Variants in APCDD1L observed in about 807,000 individuals in gnomAD.
APCDD1L encodes the protein APC down-regulated 1 like.
A neutral mutation model predicts 24.2 loss-of-function variants in APCDD1L; 21 were observed. The observed-to-expected ratio is 0.87, with a 90% CI of 0.61 to 1.25. The LOEUF is 1.25. Ranked by LOEUF, APCDD1L falls within the 50% of genes most tolerant of loss-of-function variation. The pLI is 0.00. For missense variants in APCDD1L, 704 were observed against 711.7 expected, an observed-to-expected ratio of 0.99 and a Z score of 0.12; for synonymous variants, 321 against 323.6, an observed-to-expected ratio of 0.99 and a Z score of 0.09.
At chr20:58,509,834 C>A (rs1990594234) in intron 1 of APCDD1L, among the ~76,000 whole-genome samples, 1 of 152,198 alleles carries the variant, frequency 6.6e-6, no homozygotes, top group Admixed American at 6.5e-5. Context: ...AGAGGCATCT[C>A]ATTCTTACCC....
At chr20:58,490,726 T>C (rs777681788) in intron 1 of APCDD1L, among the ~76,000 whole-genome samples, 14 of 152,192 alleles carry the variant, frequency 9.2e-5, no homozygotes, top group Non-Finnish European at 1.9e-4. Context: ...TGTGAACACA[T>C]TGCTAAGGTT....
intron 3 of APCDD1L, 133 bp downstream of exon 3, chr20:58,466,973 A>C: frequency 1.8e-6 from 2 of 1,093,346 alleles, no homozygotes; most frequent in Non-Finnish European, 2.5e-6. Flanking sequence ...CAGAGTGGGG[A>C]GGGGCAGTGA....
At chr20:58,463,143 C>CAAAAAAA (rs398036014) in intron 3 of APCDD1L, among the ~76,000 whole-genome samples, 1 of 93,758 alleles carries the variant, frequency 1.1e-5, no homozygotes, top group African/African-American at 4.2e-5. Context: ...CTCCATCTCA[C>CAAAAAAA]AAAAAAAAAA....
intron 2 of APCDD1L, among the ~76,000 whole-genome samples, chr20:58,469,351 G>GA: frequency 8.0e-6 from 1 of 125,598 alleles, no homozygotes; most frequent in African/African-American, 3.3e-5. Context: ...AGGGTCTCAG[G>GA]CCTGGAGAGG....
At chr20:58,484,325 C>T (rs1568743304) in intron 1 of APCDD1L, among the ~76,000 whole-genome samples, 2 of 152,362 alleles carry the variant, frequency 1.3e-5, no homozygotes, top group Non-Finnish European at 2.9e-5. Flanking sequence ...TGCTGGTATA[C>T]ATTACCCTCC....
In APCDD1L at chr20:58,499,877, C is replaced by A. The variant is rs568264136; in HGVS notation, c.49+14782G>T. ...TTTTTTTCTCTCATAAGTATGCAAA[C>A]CTGCTCCACTGTCTCTCACCGTCCC... On this transcript the variant is annotated intron_variant, in intron 1 of 3. Transcript: ENST00000371149. Among the ~76,000 whole-genome samples, 12 of 152,294 alleles carry A rather than the reference C, an allele frequency of 7.9e-5. No individual in the cohort carries two copies. The East Asian group carries it at 1.5e-3, about 20-fold the overall frequency.
chr20:58,484,410 CAAT>C (rs1178725540), intron 1 of APCDD1L, among the ~76,000 whole-genome samples: 1 of 152,214 alleles, frequency 6.6e-6, no homozygotes, highest in Non-Finnish European at 1.5e-5. Flanking sequence ...ATCTCTACAA[CAAT>C]GCCTGGCCCA....
chr20:58,495,667 G>A (rs1046359086), intron 1 of APCDD1L, among the ~76,000 whole-genome samples: 3 of 152,158 alleles, frequency 2.0e-5, no homozygotes, highest in Admixed American at 6.5e-5. Flanking sequence ...CGTCTGTCGC[G>A]GGGTCAGAGA....
chr20:58,470,780 G>C, intron 1 of APCDD1L, 33 bp from the exon 2 acceptor site: 1 of 1,509,832 alleles, frequency 6.6e-7, no homozygotes, highest in South Asian at 1.3e-5. Context: ...TAAGACCCCA[G>C]CATGCCCCGG....
At chr20:58,480,683 G>A (rs184912398) in intron 1 of APCDD1L, among the ~76,000 whole-genome samples, 13 of 152,336 alleles carry the variant, frequency 8.5e-5, no homozygotes, top group Admixed American at 8.5e-4. Context: ...AGGAATGGGG[G>A]CCTGGGGAGA....
rs945850649 is a variant in APCDD1L at position 58,497,885 on chromosome 20, C to T, written c.49+16774G>A. Among the ~76,000 whole-genome samples, 1 of 152,254 alleles carries T rather than the reference C, an allele frequency of 6.6e-6. No homozygotes were observed. Among genetic ancestry groups the T allele is most frequent in the South Asian group, 2.1e-4 (1 of 4,826 alleles). On this transcript the variant is annotated intron_variant, in intron 1 of 3. Transcript: ENST00000371149. The surrounding 1 kb of genome is among the most constrained non-coding windows in gnomAD (Gnocchi z 4.3). The stretch of plus-strand genomic sequence containing the variant: ...AAGTCTCATGCAGAGAAGCAGAATT[C>T]CCTGTACACACACCTCAATCATTTC...
chr20:58,489,205 C>A (rs1476884387), intron 1 of APCDD1L, among the ~76,000 whole-genome samples: 9 of 151,770 alleles, frequency 5.9e-5, no homozygotes, highest in Non-Finnish European at 1.2e-4. Flanking sequence ...CAAACCAACA[C>A]CAAACAACAA....
intron 1 of APCDD1L, among the ~76,000 whole-genome samples, chr20:58,480,929 T>C (rs1474573149): frequency 6.6e-6 from 1 of 152,230 alleles, no homozygotes; most frequent in Non-Finnish European, 1.5e-5. Flanking sequence ...CGTTTCCCTT[T>C]TCACCCAGAT....
chr20:58,514,126 TG>T, intron 1 of APCDD1L: 1 of 381,040 alleles, frequency 2.6e-6, no homozygotes, highest in Non-Finnish European at 4.6e-6. Context: ...TGAAGCCCCT[TG>T]GTCCCCTTTG....
intron 1 of APCDD1L, among the ~76,000 whole-genome samples, chr20:58,481,753 C>T (rs957504855): frequency 1.3e-5 from 2 of 152,188 alleles, no homozygotes; most frequent in Non-Finnish European, 2.9e-5. Flanking sequence ...CGGCCTCCAG[C>T]TGAGGGTCAC....
intron 1 of APCDD1L, among the ~76,000 whole-genome samples, chr20:58,513,173 G>A (rs1021536288): frequency 1.3e-5 from 2 of 152,202 alleles, no homozygotes; most frequent in African/African-American, 4.8e-5. Context: ...GGAGGCGGAT[G>A]AGAGCAGATG....
chr20:58,480,301 G>C (rs917782295), intron 1 of APCDD1L, among the ~76,000 whole-genome samples: 3 of 152,206 alleles, frequency 2.0e-5, no homozygotes, highest in African/African-American at 7.2e-5. Context: ...AGAGTTGAAG[G>C]CTGCCCGAGA....
intron 1 of APCDD1L, among the ~76,000 whole-genome samples, chr20:58,503,982 C>T (rs1386344922): frequency 6.6e-6 from 1 of 152,142 alleles, no homozygotes. Flanking sequence ...TCCCATGAGC[C>T]CATCTGGAGA....
intron 1 of APCDD1L, among the ~76,000 whole-genome samples, chr20:58,489,671 C>T (rs564561438): frequency 1.4e-5 from 2 of 141,306 alleles, no homozygotes; most frequent in African/African-American, 2.7e-5. Context: ...GCAACAAGAG[C>T]GAAACTTTGT....
Sources: gnomAD v4.1 joint callset for allele counts (sites outside exome capture counted in the v4.1 genomes callset) on GRCh38, gnomAD v4.1.1 for gene constraint, Gnocchi (gnomAD v3.1) non-coding constraint, MANE v1.5 for transcripts, NCBI Gene and HGNC (gene_info 2026-07-23, HGNC 2026-07-21) for gene names.